CRIM1: variants seen among roughly 807,000 people sequenced by gnomAD.
The protein encoded by CRIM1 is cysteine-rich motor neuron 1 protein.
In CRIM1, 32 loss-of-function variants were observed where a neutral mutation model predicts 116.4. That is an observed-to-expected ratio of 0.27 (90% CI 0.21 to 0.37). The LOEUF is 0.37. Ranked by LOEUF, CRIM1 falls within the 10% of genes least tolerant of loss-of-function variation. The pLI, the probability that CRIM1 is intolerant of heterozygous loss-of-function variation, is 1.00. For missense variants in CRIM1, 1,331 were observed against 1,354.8 expected (o/e 0.98, Z 0.28); for synonymous variants, 590 against 509.2 (o/e 1.16, Z -2.13).
chr2:36,478,910 T>C (rs958574514), intron 6 of CRIM1, among the ~76,000 whole-genome samples: 10 of 152,056 alleles, frequency 6.6e-5, no homozygotes, highest in Non-Finnish European at 8.8e-5. Flanking sequence ...TCCCAACTTA[T>C]GGGAGAAAAA....
At chr2:36,514,302 A>C (rs1664896889) in intron 11 of CRIM1, among the ~76,000 whole-genome samples, 1 of 152,228 alleles carries the variant, frequency 6.6e-6, no homozygotes, top group South Asian at 2.1e-4. Flanking sequence ...AATCATAATC[A>C]TGGTAATCAG....
rs3076519 is a variant in CRIM1 at position 36,506,181 on chromosome 2, T to TCA, written c.1502-3768_1502-3767dup. On this transcript the variant is annotated intron_variant, in intron 8 of 16. Coordinates refer to ENST00000280527, the MANE Select transcript of CRIM1 (RefSeq NM_016441.3). ...CACTCTCTCTCTCTCTCTCTCTCTCTCACACACACACACACACACACACAC... is the reference window on the plus strand; with the variant it reads ...CACTCTCTCTCTCTCTCTCTCTCTCTCACACACACACACACACACACACACAC... 5.0e-3 allele frequency among the ~76,000 whole-genome samples: 604 copies of TCA among 120,922 alleles called. 2 individuals carry two copies. Among genetic ancestry groups the TCA allele is most frequent in the Non-Finnish European group, 6.8e-3 (402 of 59,258 alleles). 79.3% of individuals were successfully genotyped at this position (120,922 alleles called of 152,430 possible).
chr2:36,509,220 A>T (rs1188985305), intron 8 of CRIM1, among the ~76,000 whole-genome samples: 3 of 152,216 alleles, frequency 2.0e-5, no homozygotes, highest in Non-Finnish European at 4.4e-5. Flanking sequence ...GTGGATATTT[A>T]AAAACATGCG....
chr2:36,546,107 G>C lies in CRIM1; in HGVS notation c.2747-877G>C, dbSNP rs1667306542. On this transcript the variant is annotated intron_variant, in intron 15 of 16. Coordinates refer to ENST00000280527, the MANE Select transcript of CRIM1 (RefSeq NM_016441.3). ...TGTCACTTCATGAGCTGAATTTCCA[G>C]AACAATTTAGGAGTAACTCCTTTTG... 3.9e-5 allele frequency among the ~76,000 whole-genome samples: 6 copies of C among 152,064 alleles called. No individual in the cohort carries two copies. The South Asian group carries it at 1.2e-3, about 32-fold the overall frequency.
rs80166382 is a variant in CRIM1, at chr2:36,523,717, C to T, written c.2428+1404C>T. ...TTTTCCATGTTTTCTAAACACAAGT[C>T]ATTGCATATATCTGGAGTGATAGAT... On this transcript the variant is annotated intron_variant, in intron 13 of 16. Coordinates refer to ENST00000280527, the MANE Select transcript of CRIM1 (RefSeq NM_016441.3). 9.5e-4 allele frequency among the ~76,000 whole-genome samples: 144 copies of T among 152,304 alleles called. 1 individual carries two copies. The highest frequency in any genetic ancestry group is 3.3e-3 in the African/African-American group (139 of 41,570).
At chr2:36,409,053 A>G (rs1224342795) in intron 2 of CRIM1, among the ~76,000 whole-genome samples, 1 of 151,980 alleles carries the variant, frequency 6.6e-6, no homozygotes, top group Non-Finnish European at 1.5e-5. Flanking sequence ...AGTTTTAATT[A>G]AAAAAGAAAA....
intron 7 of CRIM1, among the ~76,000 whole-genome samples, chr2:36,490,840 TGGC>T (rs777485352): frequency 2.0e-5 from 3 of 152,172 alleles, no homozygotes; most frequent in Non-Finnish European, 4.4e-5. Context: ...CCCTAACCAT[TGGC>T]ACTTAAGTCC....
chr2:36,542,614 T>C (rs992163640), intron 14 of CRIM1, among the ~76,000 whole-genome samples: 3 of 152,236 alleles, frequency 2.0e-5, no homozygotes, highest in African/African-American at 7.2e-5. Flanking sequence ...GGTGTCGCAT[T>C]TGCCCTTTAC....
chr2:36,475,385 G>T (rs1678891154), intron 5 of CRIM1, among the ~76,000 whole-genome samples: 1 of 151,968 alleles, frequency 6.6e-6, no homozygotes, highest in Non-Finnish European at 1.5e-5. Flanking sequence ...TTTTCTGATT[G>T]TTCATTGCTA....
chr2:36,458,841 A>G (rs956575108), intron 4 of CRIM1, among the ~76,000 whole-genome samples: 2 of 152,178 alleles, frequency 1.3e-5, no homozygotes. Flanking sequence ...CACCTGTCTC[A>G]CTTTATGGAT....
At chr2:36,509,066 T>C (rs1031538316) in intron 8 of CRIM1, among the ~76,000 whole-genome samples, 1 of 152,118 alleles carries the variant, frequency 6.6e-6, no homozygotes, top group South Asian at 2.1e-4. Context: ...AAAAAACATA[T>C]CTAAATGTAA....
At chr2:36,423,706 T>C (rs1398279805) in intron 2 of CRIM1, among the ~76,000 whole-genome samples, 1 of 152,232 alleles carries the variant, frequency 6.6e-6, no homozygotes, top group Non-Finnish European at 1.5e-5. Flanking sequence ...CATTGTTGAC[T>C]GGGTTCCATG....
intron 14 of CRIM1, among the ~76,000 whole-genome samples, chr2:36,541,342 CTT>C (rs1371083752): frequency 2.0e-5 from 3 of 152,154 alleles, no homozygotes; most frequent in African/African-American, 7.2e-5. Context: ...TGAATATCCT[CTT>C]TCTTTACAAA....
At chr2:36,365,301 A>G (rs1285999918) in intron 1 of CRIM1, among the ~76,000 whole-genome samples, 3 of 152,252 alleles carry the variant, frequency 2.0e-5, no homozygotes, top group Non-Finnish European at 4.4e-5. Context: ...TTAATGGCAT[A>G]TGGTTTTATG....
rs150104828 is a variant in CRIM1 at position 36,462,218 on chromosome 2, T to A, written c.870-2316T>A. Reference sequence around the variant, plus strand: ...CTTGTAAGGGACTTTAAAAAAAAAATAGGAATATTTAAATGTTAGGAAGAC... The same window carrying A: ...CTTGTAAGGGACTTTAAAAAAAAAAAAGGAATATTTAAATGTTAGGAAGAC... On this transcript the variant is annotated intron_variant, in intron 4 of 16. Transcript: ENST00000280527. Among the ~76,000 whole-genome samples, 162 of 152,054 alleles carry A rather than the reference T, an allele frequency of 1.1e-3. 2 individuals are homozygous for A. Among genetic ancestry groups the A allele is most frequent in the African/African-American group, 3.8e-3 (158 of 41,434 alleles).
intron 13 of CRIM1, among the ~76,000 whole-genome samples, chr2:36,534,024 T>G (rs1171232180): frequency 0.04 from 1,644 of 41,068 alleles, no homozygotes; most frequent in Middle Eastern, 0.065. Flanking sequence ...GGAGGGAGGG[T>G]GAAAAGGAGA....
chr2:36,405,246 G>A (rs1014626831), intron 2 of CRIM1, among the ~76,000 whole-genome samples: 4 of 152,164 alleles, frequency 2.6e-5, no homozygotes, highest in Non-Finnish European at 5.9e-5. Context: ...GTGGAGCTGG[G>A]AGTATTAGCA....
chr2:36,422,041 A>G (rs545335063), intron 2 of CRIM1, among the ~76,000 whole-genome samples: 1 of 151,934 alleles, frequency 6.6e-6, no homozygotes, highest in East Asian at 1.9e-4. Flanking sequence ...ATTTTATTGT[A>G]TATCTCATGA....
intron 7 of CRIM1, among the ~76,000 whole-genome samples, chr2:36,497,531 ACT>A (rs1680685141): frequency 6.6e-6 from 1 of 152,198 alleles, no homozygotes; most frequent in Non-Finnish European, 1.5e-5. Flanking sequence ...CAATACGCTA[ACT>A]CAGGATGTCT....
Sources: allele counts gnomAD v4.1 joint callset (sites outside exome capture counted in the v4.1 genomes callset), GRCh38; gene constraint gnomAD v4.1.1; transcripts MANE v1.5; gene names NCBI Gene and HGNC (gene_info 2026-07-23, HGNC 2026-07-21).